The following PIAS1 variants were observed in gnomAD, a reference collection of about 807,000 sequenced individuals.
PIAS1 encodes protein inhibitor of activated STAT 1.
PIAS1 carries 6 observed loss-of-function variants against 71.3 expected under a neutral mutation model. The ratio of observed to expected loss-of-function variants is 0.08; its 90% confidence interval spans 0.05 to 0.17. PIAS1 has a LOEUF of 0.17. Ranked by LOEUF, PIAS1 falls within the 10% of genes least tolerant of loss-of-function variation. The pLI, the probability that PIAS1 is intolerant of heterozygous loss-of-function variation, is 1.00. For synonymous variants in PIAS1, 303 were observed against 292.9 expected (o/e 1.03, Z -0.35); for missense variants, 555 against 793.6 (o/e 0.70, Z 3.61).
intron 1 of PIAS1, among the ~76,000 whole-genome samples, chr15:68,076,630 T>C (rs144664305): frequency 5.2e-5 from 8 of 152,384 alleles, no homozygotes; most frequent in Non-Finnish European, 1.0e-4. Flanking sequence ...TAATCTCTTA[T>C]GATATGCTCA....
chr15:68,165,397 A>G (rs1338033101), intron 8 of PIAS1, among the ~76,000 whole-genome samples: 1 of 152,202 alleles, frequency 6.6e-6, no homozygotes, highest in African/African-American at 2.4e-5. Context: ...CTGGGACTAT[A>G]GGTGTGACCC....
At position 68,191,254 on chromosome 15, in the gene PIAS1, T is replaced by C. The variant is rs1183732147; in HGVS notation, c.*3419T>C. On this transcript the variant is annotated 3_prime_UTR_variant, in exon 14 of 14. Transcript: ENST00000249636. The stretch of plus-strand genomic sequence containing the variant: ...TCCATGAACTTAAATCTGTGATTCA[T>C]TGCCTTAAAACTTTCTCTCTTAGAA... 1 of 152,774 alleles carries C rather than the reference T, an allele frequency of 6.5e-6. No homozygotes were observed. The highest frequency in any genetic ancestry group is 2.4e-5 in the African/African-American group (1 of 41,586). The allele number at this position is 152,774 out of a possible 1,614,324, so 9.5% of individuals were successfully genotyped here. A position where few individuals can be genotyped will look rare whatever the true frequency, so the allele number is the denominator to read the frequency against.
At chr15:68,120,013 G>A (rs1192543215) in intron 2 of PIAS1, among the ~76,000 whole-genome samples, 1 of 152,136 alleles carries the variant, frequency 6.6e-6, no homozygotes, top group African/African-American at 2.4e-5. Flanking sequence ...CTACTGTGTT[G>A]CCCAGGCTGG....
At chr15:68,162,503 T>A (rs1441366145) in intron 7 of PIAS1, among the ~76,000 whole-genome samples, 2 of 150,078 alleles carry the variant, frequency 1.3e-5, no homozygotes, top group Non-Finnish European at 3.0e-5. Flanking sequence ...TGAGAGAGAG[T>A]GAGTTAAGAG....
At chr15:68,163,539 C>T (rs918082945) in intron 7 of PIAS1, among the ~76,000 whole-genome samples, 3 of 152,154 alleles carry the variant, frequency 2.0e-5, no homozygotes, top group South Asian at 2.1e-4. Flanking sequence ...GTGCACCTTA[C>T]TTGAGATCCA....
At chr15:68,103,040 G>C (rs1391884978) in intron 2 of PIAS1, among the ~76,000 whole-genome samples, 5 of 151,888 alleles carry the variant, frequency 3.3e-5, no homozygotes, top group Admixed American at 6.6e-5. Flanking sequence ...TGATCTTCCT[G>C]CCTCAGCCTT....
chr15:68,101,981 C>T (rs991373867), intron 2 of PIAS1, among the ~76,000 whole-genome samples: 5 of 152,168 alleles, frequency 3.3e-5, no homozygotes, highest in African/African-American at 1.2e-4. Flanking sequence ...AGTGATCCTC[C>T]CACCCCAGCC....
At chr15:68,176,204 G>A (rs562417312) in intron 10 of PIAS1, among the ~76,000 whole-genome samples, 5 of 151,966 alleles carry the variant, frequency 3.3e-5, no homozygotes, top group Non-Finnish European at 5.9e-5. Context: ...TTAATATACC[G>A]TCTGCTCTCA....
intron 2 of PIAS1, among the ~76,000 whole-genome samples, chr15:68,101,335 T>TTG (rs1023503956): frequency 8.1e-5 from 12 of 147,444 alleles, no homozygotes; most frequent in African/African-American, 3.0e-4. Context: ...TTGCAGTGTT[T>TTG]TTTTTTTTTT....
At chr15:68,112,860 A>G (rs973630652) in intron 2 of PIAS1, among the ~76,000 whole-genome samples, 1 of 147,588 alleles carries the variant, frequency 6.8e-6, no homozygotes, top group Non-Finnish European at 1.5e-5. Flanking sequence ...ATGTCTCGGA[A>G]ATAACACACA....
chr15:68,056,321 T>C (rs2091895688), intron 1 of PIAS1, among the ~76,000 whole-genome samples: 1 of 152,248 alleles, frequency 6.6e-6, no homozygotes, highest in Non-Finnish European at 1.5e-5. Context: ...GATTTCCTTC[T>C]TTGTTCTTTC....
chr15:68,120,462 T>G (rs2092603981), intron 2 of PIAS1, among the ~76,000 whole-genome samples: 1 of 152,214 alleles, frequency 6.6e-6, no homozygotes, highest in Non-Finnish European at 1.5e-5. Context: ...AATTTTTGTC[T>G]CCTTTGTTGG....
intron 2 of PIAS1, among the ~76,000 whole-genome samples, chr15:68,132,135 A>G (rs1014568303): frequency 6.6e-6 from 1 of 152,006 alleles, no homozygotes; most frequent in Non-Finnish European, 1.5e-5. Context: ...AGTGGGGGCT[A>G]AACTCCCAGA....
intron 7 of PIAS1, among the ~76,000 whole-genome samples, chr15:68,156,918 A>C (rs561597141): frequency 1.3e-5 from 2 of 152,200 alleles, no homozygotes; most frequent in Non-Finnish European, 2.9e-5. Context: ...GGCAAGGCTA[A>C]TGCAGTGAGG....
At chr15:68,131,568 T>C (rs1468071699) in intron 2 of PIAS1, among the ~76,000 whole-genome samples, 1 of 152,206 alleles carries the variant, frequency 6.6e-6, no homozygotes, top group Non-Finnish European at 1.5e-5. Flanking sequence ...TTGTTTTAGA[T>C]TCCACATATA....
chr15:68,144,149 G>A (rs1172963502), intron 4 of PIAS1, among the ~76,000 whole-genome samples: 4 of 149,952 alleles, frequency 2.7e-5, no homozygotes, highest in African/African-American at 9.8e-5. Flanking sequence ...ACCATGTTGT[G>A]TTATATTTGG....
intron 2 of PIAS1, among the ~76,000 whole-genome samples, chr15:68,124,369 AT>A (rs2092634803): frequency 7.0e-6 from 1 of 141,908 alleles, no homozygotes; most frequent in South Asian, 2.3e-4. Context: ...GACTTCCACT[AT>A]TTCTTGGGTT....
rs150997979 is a variant in PIAS1 at position 68,088,176 on chromosome 15, G to GTGTATATATATATATATATATATA, written c.469+1427_469+1428insGTATATATATATATATATATATAT. 2.3e-3 allele frequency among the ~76,000 whole-genome samples: 171 copies of GTGTATATATATATATATATATATA among 72,864 alleles called. 5 individuals carry two copies. Among genetic ancestry groups the GTGTATATATATATATATATATATA allele is most frequent in the South Asian group, 4.1e-3 (6 of 1,472 alleles). 47.8% of individuals were successfully genotyped at this position (72,864 alleles called of 152,430 possible). On this transcript the variant is annotated intron_variant, in intron 2 of 13. Coordinates refer to ENST00000249636, the MANE Select transcript of PIAS1 (RefSeq NM_016166.3). Reference sequence around the variant, plus strand: ...TTCTTGTCTGTCTGATTATGTGTGTGTATATATATATATATATATATATAT... The same window carrying GTGTATATATATATATATATATATA: ...TTCTTGTCTGTCTGATTATGTGTGTGTGTATATATATATATATATATATATATATATATATATATATATATATAT...
intron 7 of PIAS1, among the ~76,000 whole-genome samples, chr15:68,161,757 C>G (rs2092926080): frequency 6.6e-6 from 1 of 151,732 alleles, no homozygotes; most frequent in East Asian, 2.0e-4. Context: ...ATGGTGAAAC[C>G]CTGTCTCTGC....
Sources: gnomAD v4.1 joint callset for allele counts (sites outside exome capture counted in the v4.1 genomes callset) on GRCh38, gnomAD v4.1.1 for gene constraint, MANE v1.5 for transcripts, NCBI Gene and HGNC (gene_info 2026-07-23, HGNC 2026-07-21) for gene names.